CNOT4: variants seen among roughly 807,000 people sequenced by gnomAD.
The protein encoded by CNOT4 is CCR4-associated factor 4.
A neutral mutation model predicts 73.8 loss-of-function variants in CNOT4; 8 were observed. The observed-to-expected ratio is 0.11, with a 90% confidence interval of 0.06 to 0.20. The LOEUF is 0.20. Ranked by LOEUF, CNOT4 falls within the 10% of genes least tolerant of loss-of-function variation. CNOT4 has a pLI of 1.00. For missense variants in CNOT4, 564 were observed against 883.4 expected (o/e 0.64, Z 4.58); for synonymous variants, 293 against 321.1 (o/e 0.91, Z 0.94).
At chr7:135,442,769 C>T (rs1299570663) in intron 1 of CNOT4, among the ~76,000 whole-genome samples, 1 of 151,990 alleles carries the variant, frequency 6.6e-6, no homozygotes, top group African/African-American at 2.4e-5. Context: ...AAAAAATATT[C>T]ATTTTTAGCC....
intron 8 of CNOT4, among the ~76,000 whole-genome samples, chr7:135,396,376 C>T (rs1327459872): frequency 6.6e-6 from 1 of 152,134 alleles, no homozygotes; most frequent in Non-Finnish European, 1.5e-5. Context: ...CTCGGCCTCC[C>T]AAAGTGCTGG....
At chr7:135,477,136 G>A (rs1342060108) in intron 1 of CNOT4, among the ~76,000 whole-genome samples, 1 of 152,114 alleles carries the variant, frequency 6.6e-6, no homozygotes, top group Non-Finnish European at 1.5e-5. Flanking sequence ...GAGGTCAGGA[G>A]TTCGAGGCCA....
chr7:135,422,043 C>T, intron 3 of CNOT4, 113 bp downstream of exon 3: 1 of 648,980 alleles, frequency 1.5e-6, no homozygotes, highest in Non-Finnish European at 2.8e-6. Context: ...TTTTCTCCTT[C>T]AAGATATAAT....
intron 1 of CNOT4, among the ~76,000 whole-genome samples, chr7:135,498,375 ATCAT>A (rs1374240223): frequency 2.0e-5 from 3 of 152,232 alleles, no homozygotes; most frequent in African/African-American, 7.2e-5. Flanking sequence ...TACACCATCT[ATCAT>A]TCAGAGTTCC....
intron 1 of CNOT4, among the ~76,000 whole-genome samples, chr7:135,464,653 C>T (rs1423150619): frequency 6.6e-6 from 1 of 151,186 alleles, no homozygotes; most frequent in African/African-American, 2.4e-5. Flanking sequence ...TATCATGTGC[C>T]CCCAAACCTA....
rs374039342 is a variant in CNOT4 at position 135,456,961 on chromosome 7, T to C, written c.-92-18538A>G. Among the ~76,000 whole-genome samples, 108 of 152,128 alleles carry C rather than the reference T, an allele frequency of 7.1e-4. 2 individuals carry two copies. The South Asian group carries it at 0.021, about 29-fold the overall frequency. On this transcript the variant is annotated intron_variant, in intron 1 of 11. Coordinates refer to ENST00000541284, the MANE Select transcript of CNOT4 (RefSeq NM_001190850.2). The stretch of plus-strand genomic sequence containing the variant: ...TTTGCAGATGATAAGATTTTGTACA[T>C]AGAAACCCCAAAATAACAGAAAACT...
rs151052208 is a variant in CNOT4, at chr7:135,368,485, A to T, written c.1628-4419T>A. 2.9e-3 allele frequency among the ~76,000 whole-genome samples: 439 copies of T among 152,352 alleles called. 2 individuals carry two copies. Among genetic ancestry groups the T allele is most frequent in the African/African-American group, 9.6e-3 (400 of 41,574 alleles). ...CTAGACAGTGGGACAATGAAAATAAATGAAAAGTTCAACAACTACATCTGA... is the reference window on the plus strand; with the variant it reads ...CTAGACAGTGGGACAATGAAAATAATTGAAAAGTTCAACAACTACATCTGA... On this transcript the variant is annotated intron_variant, in intron 10 of 11. Transcript: ENST00000541284.
intron 1 of CNOT4, among the ~76,000 whole-genome samples, chr7:135,458,173 G>A (rs1377026142): frequency 6.6e-6 from 1 of 152,032 alleles, no homozygotes; most frequent in East Asian, 1.9e-4. Context: ...TATAAAGCAA[G>A]TCACACAAAT....
rs548516494 is a variant in CNOT4, at chr7:135,458,492, A to G, written c.-92-20069T>C. Among the ~76,000 whole-genome samples the G allele has an allele frequency of 3.9e-5, 6 of 152,172 alleles. 2 individuals carry two copies. In the South Asian group the frequency reaches 1.0e-3, roughly 26 times the overall value. ...ACAGCCATTGACTCTCTCTTTCACGAAAGATTTCTCTGTAGCATGTGATAC... is the reference window on the plus strand; with the variant it reads ...ACAGCCATTGACTCTCTCTTTCACGGAAGATTTCTCTGTAGCATGTGATAC... On this transcript the variant is annotated intron_variant, in intron 1 of 11. Transcript: ENST00000541284.
At position 135,375,461 on chromosome 7, in the gene CNOT4, A is replaced by G. The variant is rs867152083; in HGVS notation, c.1628-11395T>C. On this transcript the variant is annotated intron_variant, in intron 10 of 11. Transcript: ENST00000541284. ...CTACCTAGCAAAGTACGAAGCTCCT[A>G]AAACACCTCAGGAGTACACACAAAG... Among the ~76,000 whole-genome samples the G allele has an allele frequency of 4.6e-5, 7 of 151,900 alleles. No homozygotes were observed. In the South Asian group the frequency reaches 6.3e-4, roughly 14 times the overall value.
chr7:135,488,313 ACGATTCTCAGCCTC>A (rs1802877900), intron 1 of CNOT4, among the ~76,000 whole-genome samples: 1 of 152,142 alleles, frequency 6.6e-6, no homozygotes, highest in African/African-American at 2.4e-5. Flanking sequence ...ACTGAATGGT[ACGATTCTCAGCCTC>A]CTGAGGCAAG....
chr7:135,442,433 C>T (rs1410641221), intron 1 of CNOT4, among the ~76,000 whole-genome samples: 1 of 151,760 alleles, frequency 6.6e-6, no homozygotes, highest in Non-Finnish European at 1.5e-5. Flanking sequence ...CCCGTCTCTA[C>T]TAAAAATACA....
intron 4 of CNOT4, 64 bp downstream of exon 4, chr7:135,415,112 T>C (rs1797789680): frequency 1.1e-6 from 1 of 940,008 alleles, no homozygotes; most frequent in Non-Finnish European, 1.7e-6. Context: ...AAGTTTCCTT[T>C]GGAACAGCCC....
At chr7:135,371,850 G>A (rs1367842883) in intron 10 of CNOT4, among the ~76,000 whole-genome samples, 1 of 152,176 alleles carries the variant, frequency 6.6e-6, no homozygotes, top group Non-Finnish European at 1.5e-5. Flanking sequence ...ACCACAATAT[G>A]TAAGCAACGC....
At chr7:135,450,993 A>G (rs1289899550) in intron 1 of CNOT4, among the ~76,000 whole-genome samples, 6 of 152,174 alleles carry the variant, frequency 3.9e-5, no homozygotes, top group Non-Finnish European at 1.5e-5. Flanking sequence ...AAGAGGGTAA[A>G]AAAAGAGTAA....
intron 6 of CNOT4, among the ~76,000 whole-genome samples, chr7:135,411,507 C>T (rs959612031): frequency 1.3e-5 from 2 of 151,950 alleles, no homozygotes; most frequent in Non-Finnish European, 1.5e-5. Context: ...TATGCTTACT[C>T]TAGCTGGGTA....
chr7:135,394,466 T>A lies in CNOT4; in HGVS notation c.1130-51A>T, dbSNP rs758541967. The A allele has an allele frequency of 7.0e-6, 10 of 1,429,736 alleles. No individual in the cohort carries two copies. The South Asian group carries it at 1.3e-4, about 19-fold the overall frequency. The allele number at this position is 1,429,736 out of a possible 1,614,324, so 88.6% of individuals were successfully genotyped here. The stretch of plus-strand genomic sequence containing the variant: ...ATATCAGATACATAGCTCATTTTCA[T>A]ACTTAATAAGTATCCATGCTACTGA... On this transcript the variant is annotated intron_variant, in intron 9 of 11. Coordinates refer to ENST00000541284, the MANE Select transcript of CNOT4 (RefSeq NM_001190850.2).
chr7:135,473,977 T>G (rs911422168), intron 1 of CNOT4, among the ~76,000 whole-genome samples: 1 of 149,150 alleles, frequency 6.7e-6, no homozygotes, highest in African/African-American at 2.4e-5. Flanking sequence ...TTTTGTCTTT[T>G]TGTGGTTTTT....
rs978585204 is a variant in CNOT4, at chr7:135,432,403, T to C, written c.174+5755A>G. Reference sequence around the variant, plus strand: ...TTTTGTTTCCCCTAGAGTTAATCTGTTTTGTCTGATTATATTTTTAGGTGT... The same window carrying C: ...TTTTGTTTCCCCTAGAGTTAATCTGCTTTGTCTGATTATATTTTTAGGTGT... On this transcript the variant is annotated intron_variant, in intron 2 of 11. Transcript: ENST00000541284. Among the ~76,000 whole-genome samples the C allele has an allele frequency of 4.6e-5, 7 of 152,248 alleles. No individual in the cohort carries two copies. In the East Asian group the frequency reaches 9.6e-4, roughly 21 times the overall value.
Sources: gnomAD v4.1 joint callset for allele counts (sites outside exome capture counted in the v4.1 genomes callset) on GRCh38, gnomAD v4.1.1 for gene constraint, MANE v1.5 for transcripts, NCBI Gene and HGNC (gene_info 2026-07-23, HGNC 2026-07-21) for gene names.